LHFPL3: variants seen among roughly 807,000 people sequenced by gnomAD.
LHFPL3 encodes the protein LHFPL tetraspan subfamily member 3 protein.
Under a neutral mutation model 19.3 loss-of-function variants are expected in LHFPL3, and 5 were observed. The observed-to-expected ratio is 0.26, with a 90% CI of 0.14 to 0.54. The LOEUF (loss-of-function observed/expected upper bound fraction) is 0.54, where lower values mean the gene tolerates loss of function less well. Among genes scored for constraint, LHFPL3 ranks in the 20% least tolerant of loss-of-function variants. The pLI is 0.94. For missense variants in LHFPL3, 249 were observed against 307.4 expected, an observed-to-expected ratio of 0.81 and a Z score of 1.42; for synonymous variants, 133 against 126.2, an observed-to-expected ratio of 1.05 and a Z score of -0.36.
chr7:104,499,243 A>G (rs1011828188), intron 1 of LHFPL3, among the ~76,000 whole-genome samples: 1 of 152,278 alleles, frequency 6.6e-6, no homozygotes, highest in African/African-American at 2.4e-5. Flanking sequence ...GGGTAATGTT[A>G]GAAACACCAC....
intron 1 of LHFPL3, among the ~76,000 whole-genome samples, chr7:104,413,473 C>T (rs1562889813): frequency 6.6e-6 from 1 of 152,180 alleles, no homozygotes; most frequent in Admixed American, 6.5e-5. Flanking sequence ...CTCATTTAAT[C>T]CTCAGAACAA....
intron 1 of LHFPL3, among the ~76,000 whole-genome samples, chr7:104,424,298 G>T (rs747375278): frequency 6.6e-6 from 1 of 152,212 alleles, no homozygotes; most frequent in East Asian, 1.9e-4. Context: ...AGGTACTTTT[G>T]TTGGGGAATC....
At chr7:104,474,083 C>A (rs1304328843) in intron 1 of LHFPL3, among the ~76,000 whole-genome samples, 2 of 152,150 alleles carry the variant, frequency 1.3e-5, no homozygotes, top group Non-Finnish European at 2.9e-5. Context: ...AGCTAGGGGA[C>A]ACATGTGATC....
At chr7:104,734,159 T>TTCC (rs1249190257) in intron 1 of LHFPL3, among the ~76,000 whole-genome samples, 3 of 151,494 alleles carry the variant, frequency 2.0e-5, no homozygotes, top group Admixed American at 6.6e-5. Context: ...TTAACATTTT[T>TTCC]TTCATTTCAA....
At chr7:104,866,375 A>G (rs1384757014) in intron 2 of LHFPL3, among the ~76,000 whole-genome samples, 2 of 152,226 alleles carry the variant, frequency 1.3e-5, no homozygotes, top group Non-Finnish European at 2.9e-5. Flanking sequence ...AAAGGGATGG[A>G]GGAAGATCTA....
At chr7:104,663,432 T>C (rs1792269019) in intron 1 of LHFPL3, among the ~76,000 whole-genome samples, 1 of 152,218 alleles carries the variant, frequency 6.6e-6, no homozygotes, top group Admixed American at 6.5e-5. Context: ...CATGCAGCGA[T>C]TCTGGCTGGC....
At position 104,495,496 on chromosome 7, in the gene LHFPL3, G is replaced by A. The variant is rs185720607; in HGVS notation, c.445+166272G>A. 6.2e-3 allele frequency among the ~76,000 whole-genome samples: 939 copies of A among 152,244 alleles called. 6 individuals are homozygous for A. Among genetic ancestry groups the A allele is most frequent in the African/African-American group, 0.021 (878 of 41,524 alleles). ...CCTTCCGGGTTCACGCCATTCTCCT[G>A]CCTCAGCCTCCCAAGTAGCTGGGAC... On this transcript the variant is annotated intron_variant, in intron 1 of 2. Coordinates refer to ENST00000424859, the MANE Select transcript of LHFPL3 (RefSeq NM_199000.3).
intron 1 of LHFPL3, among the ~76,000 whole-genome samples, chr7:104,348,197 C>T (rs1158940429): frequency 6.6e-6 from 1 of 152,140 alleles, no homozygotes; most frequent in Non-Finnish European, 1.5e-5. Flanking sequence ...CCATCCTGGC[C>T]AACGTGGTGA....
At chr7:104,408,651 T>A (rs1791468335) in intron 1 of LHFPL3, among the ~76,000 whole-genome samples, 1 of 152,162 alleles carries the variant, frequency 6.6e-6, no homozygotes, top group Non-Finnish European at 1.5e-5. Flanking sequence ...TGAAAATGTT[T>A]ACTGGTAGAG....
At chr7:104,714,915 C>T (rs914610768) in intron 1 of LHFPL3, among the ~76,000 whole-genome samples, 4 of 151,452 alleles carry the variant, frequency 2.6e-5, no homozygotes, top group Admixed American at 2.6e-4. Flanking sequence ...CATGCTCACT[C>T]TATATATATA....
At position 104,658,240 on chromosome 7, in the gene LHFPL3, A is replaced by G. The variant is rs556125599; in HGVS notation, c.446-78435A>G. ...CAAGTTCTCAGTTCTGATTTCTTTTAAATATCTAGGTGCATTTCTAGATAA... is the reference window on the plus strand; with the variant it reads ...CAAGTTCTCAGTTCTGATTTCTTTTGAATATCTAGGTGCATTTCTAGATAA... On this transcript the variant is annotated intron_variant, in intron 1 of 2. Transcript: ENST00000424859. Among the ~76,000 whole-genome samples, 284 of 152,312 alleles carry G rather than the reference A, an allele frequency of 1.9e-3. 3 individuals are homozygous for G. Among genetic ancestry groups the G allele is most frequent in the African/African-American group, 5.9e-3 (247 of 41,564 alleles).
intron 1 of LHFPL3, among the ~76,000 whole-genome samples, chr7:104,735,129 C>T (rs142029194): frequency 6.6e-6 from 1 of 152,332 alleles, no homozygotes; most frequent in Non-Finnish European, 1.5e-5. Flanking sequence ...TCTGCCCCTA[C>T]TAGGGGTGCC....
intron 1 of LHFPL3, among the ~76,000 whole-genome samples, chr7:104,624,896 T>C (rs1273290030): frequency 6.6e-6 from 1 of 152,228 alleles, no homozygotes; most frequent in East Asian, 1.9e-4. Context: ...GGAGAATAAA[T>C]CTGAGTCCAG....
intron 2 of LHFPL3, among the ~76,000 whole-genome samples, chr7:104,840,474 C>CTT (rs71155530): frequency 3.2e-4 from 21 of 65,538 alleles, no homozygotes; most frequent in South Asian, 9.4e-4. Context: ...TTTTCTTTTC[C>CTT]TTTTTTTTTT....
At chr7:104,822,142 G>A (rs554412722) in intron 2 of LHFPL3, among the ~76,000 whole-genome samples, 1 of 152,128 alleles carries the variant, frequency 6.6e-6, no homozygotes, top group Non-Finnish European at 1.5e-5. Flanking sequence ...GAGACTAAGT[G>A]TTTGAAACCG....
chr7:104,668,728 C>T lies in LHFPL3; in HGVS notation c.446-67947C>T, dbSNP rs113764928. On this transcript the variant is annotated intron_variant, in intron 1 of 2. Transcript: ENST00000424859. ...CGTGATGATAGAGGTCCCCCCCCCC[C>T]CAAAGACCCAAACTGAATCTAAAGC... is the stretch of plus-strand genomic sequence containing the variant. 6.8e-3 allele frequency: 10,772 copies of T among 1,581,518 alleles called. 748 individuals carry two copies. The African/African-American group carries it at 0.12, about 18-fold the overall frequency.
At chr7:104,823,991 C>T (rs1170976970) in intron 2 of LHFPL3, among the ~76,000 whole-genome samples, 2 of 147,940 alleles carry the variant, frequency 1.4e-5, no homozygotes, top group Non-Finnish European at 3.0e-5. Context: ...ACTAAAAATA[C>T]AAAAAATAGC....
At chr7:104,874,406 T>TGGG (rs35863156) in intron 2 of LHFPL3, among the ~76,000 whole-genome samples, 4 of 131,728 alleles carry the variant, frequency 3.0e-5, no homozygotes, top group African/African-American at 1.2e-4. Flanking sequence ...TTTTTTTTTT[T>TGGG]GGGGGGGGGA....
intron 2 of LHFPL3, among the ~76,000 whole-genome samples, chr7:104,814,803 G>T (rs1021158806): frequency 6.6e-6 from 1 of 152,236 alleles, no homozygotes; most frequent in Non-Finnish European, 1.5e-5. Flanking sequence ...GTGCACGCTC[G>T]ACTGGGCTGC....
Sources: allele counts gnomAD v4.1 joint callset (sites outside exome capture counted in the v4.1 genomes callset), GRCh38; gene constraint gnomAD v4.1.1; transcripts MANE v1.5; gene names NCBI Gene and HGNC (gene_info 2026-07-23, HGNC 2026-07-21).